Variants in PMFBP1 observed in about 807,000 individuals in gnomAD.
The protein encoded by PMFBP1 is polyamine-modulated factor 1-binding protein 1.
Under a neutral mutation model 137.8 loss-of-function variants are expected in PMFBP1, and 131 were observed. The observed-to-expected ratio is 0.95, with a 90% CI of 0.82 to 1.10. The LOEUF (loss-of-function observed/expected upper bound fraction) is 1.10. Ranked by LOEUF, PMFBP1 falls within the 50% of genes least tolerant of loss-of-function variation. The pLI is 0.00. For synonymous variants in PMFBP1, 490 were observed against 450.4 expected, an observed-to-expected ratio of 1.09 and a Z score of -1.11; for missense variants, 1,199 against 1,175.4, an observed-to-expected ratio of 1.02 and a Z score of -0.29.
intron 5 of PMFBP1, among the ~76,000 whole-genome samples, chr16:72,147,351 T>A (rs2042824388): frequency 6.6e-6 from 1 of 152,208 alleles, no homozygotes; most frequent in African/African-American, 2.4e-5. Flanking sequence ...ATCCCTTCCT[T>A]ACACCTTATA....
chr16:72,130,503 C>T (rs1315553086), intron 11 of PMFBP1, 30 bp downstream of exon 11: 9 of 1,612,854 alleles, frequency 5.6e-6, no homozygotes, highest in Non-Finnish European at 5.9e-6. Flanking sequence ...GACAGAACCT[C>T]TCTCTGGAGG....
the PMFBP1 span, among the ~76,000 whole-genome samples, chr16:72,193,982 C>CT: frequency 4.3e-3 from 558 of 130,024 alleles, 3 homozygotes; most frequent in African/African-American, 9.7e-3. Flanking sequence ...ATCAAGGCTG[C>CT]TTTTTTTTTT....
chr16:72,229,333 T>C, the PMFBP1 span, among the ~76,000 whole-genome samples: 1 of 152,204 alleles, frequency 6.6e-6, no homozygotes, highest in African/African-American at 2.4e-5. Context: ...CATGTGTCTT[T>C]ATGGTAGAAC....
chr16:72,154,944 T>C (rs539599009), intron 3 of PMFBP1, among the ~76,000 whole-genome samples: 2 of 152,258 alleles, frequency 1.3e-5, no homozygotes, highest in Non-Finnish European at 2.9e-5. Context: ...GCCAGAGATA[T>C]TGTTCAGGTA....
chr16:72,232,674 C>T, the PMFBP1 span, among the ~76,000 whole-genome samples: 1 of 152,036 alleles, frequency 6.6e-6, no homozygotes, highest in African/African-American at 2.4e-5. Flanking sequence ...GGATATAGTG[C>T]ATGAAGAGGA....
the PMFBP1 span, among the ~76,000 whole-genome samples, chr16:72,223,478 TA>T: frequency 1.3e-5 from 2 of 152,264 alleles, no homozygotes; most frequent in Non-Finnish European, 2.9e-5. Flanking sequence ...GATATGGCCC[TA>T]ACAGTTGTTT....
chr16:72,229,952 A>G, the PMFBP1 span, among the ~76,000 whole-genome samples: 2 of 152,200 alleles, frequency 1.3e-5, no homozygotes, highest in African/African-American at 2.4e-5. Flanking sequence ...AGCAGCACAT[A>G]TTACCAGAGG....
At chr16:72,232,328 T>C in the PMFBP1 span, among the ~76,000 whole-genome samples, 1 of 152,202 alleles carries the variant, frequency 6.6e-6, no homozygotes, top group Non-Finnish European at 1.5e-5. Flanking sequence ...GGCTTCTTGC[T>C]GTCCTTATTC....
chr16:72,237,221 A>G, the PMFBP1 span, among the ~76,000 whole-genome samples: 1 of 152,152 alleles, frequency 6.6e-6, no homozygotes, highest in African/African-American at 2.4e-5. Context: ...AGAGACCCCT[A>G]GAGATAGGAG....
the PMFBP1 span, among the ~76,000 whole-genome samples, chr16:72,182,924 C>A: frequency 6.6e-6 from 1 of 152,198 alleles, no homozygotes; most frequent in African/African-American, 2.4e-5. Context: ...GCTCTCTGGC[C>A]CCTGCTTGGT....
At chr16:72,194,122 G>A in the PMFBP1 span, among the ~76,000 whole-genome samples, 1 of 152,002 alleles carries the variant, frequency 6.6e-6, no homozygotes, top group African/African-American at 2.4e-5. Context: ...TGGGGAATGT[G>A]CATTTCTGGA....
At chr16:72,141,064 A>T (rs1193056353) in intron 5 of PMFBP1, among the ~76,000 whole-genome samples, 1 of 150,088 alleles carries the variant, frequency 6.7e-6, no homozygotes, top group Non-Finnish European at 1.5e-5. Context: ...CCCCCCAAAT[A>T]GCTAGAATTA....
chr16:72,167,870 C>T (rs1168957063), intron 2 of PMFBP1, among the ~76,000 whole-genome samples: 2 of 152,190 alleles, frequency 1.3e-5, no homozygotes, highest in Non-Finnish European at 2.9e-5. Flanking sequence ...TAACAAAATG[C>T]CAACGATACA....
In PMFBP1 at chr16:72,120,095, G is replaced by T. The variant is rs1303537663; in HGVS notation, c.2769-6C>A. The T allele has an allele frequency of 1.2e-6, 2 of 1,614,178 alleles. No homozygotes were observed. Among genetic ancestry groups the T allele is most frequent in the African/African-American group, 1.3e-5 (1 of 75,034 alleles). ...CCATTACACTGTGGAGGTGGCTGTG[G>T]GAAGGAGAGGAAGGACGGGTTGTGT... On this transcript the variant is annotated splice_region_variant and splice_polypyrimidine_tract_variant and intron_variant, in intron 19 of 20. Coordinates refer to ENST00000237353, the MANE Select transcript of PMFBP1 (RefSeq NM_031293.3).
At chr16:72,156,813 A>G (rs1213807294) in intron 3 of PMFBP1, among the ~76,000 whole-genome samples, 2 of 152,092 alleles carry the variant, frequency 1.3e-5, no homozygotes, top group African/African-American at 4.8e-5. Context: ...TTTTCATCTA[A>G]TTAATGTGCT....
At chr16:72,142,579 T>G (rs943722271) in intron 5 of PMFBP1, among the ~76,000 whole-genome samples, 2 of 152,194 alleles carry the variant, frequency 1.3e-5, no homozygotes, top group Non-Finnish European at 2.9e-5. Context: ...AGTTTGTATA[T>G]CCAGCCAAAC....
chr16:72,239,990 C>T, the PMFBP1 span, among the ~76,000 whole-genome samples: 10 of 151,420 alleles, frequency 6.6e-5, no homozygotes, highest in Non-Finnish European at 4.4e-5. Context: ...GAGATATACT[C>T]GAGGGTTTAG....
chr16:72,192,958 T>C, the PMFBP1 span, among the ~76,000 whole-genome samples: 2 of 150,062 alleles, frequency 1.3e-5, no homozygotes, highest in African/African-American at 2.5e-5. Context: ...TGGTTAAATA[T>C]GCAGTGATTT....
the PMFBP1 span, among the ~76,000 whole-genome samples, chr16:72,247,405 C>T: frequency 6.6e-6 from 1 of 152,178 alleles, no homozygotes; most frequent in Admixed American, 6.5e-5. Flanking sequence ...ATAACACAAG[C>T]TTCAGCTACA....
Sources: allele counts gnomAD v4.1 joint callset (sites outside exome capture counted in the v4.1 genomes callset), GRCh38; gene constraint gnomAD v4.1.1; transcripts MANE v1.5; gene names NCBI Gene and HGNC (gene_info 2026-07-23, HGNC 2026-07-21).